The following EXOC4 variants were observed in gnomAD, a reference collection of about 807,000 sequenced individuals.
The protein encoded by EXOC4 is exocyst complex component 4.
Under a neutral mutation model 107.2 loss-of-function variants are expected in EXOC4, and 71 were observed. The observed-to-expected ratio is 0.66, with a 90% CI of 0.55 to 0.81. The LOEUF (loss-of-function observed/expected upper bound fraction) is 0.81, where lower values mean the gene tolerates loss of function less well. Among genes scored for constraint, EXOC4 ranks in the 30% least tolerant of loss-of-function variants. The pLI is 0.00. For missense variants in EXOC4, 1,108 were observed against 1,189.6 expected, an observed-to-expected ratio of 0.93 and a Z score of 1.01; for synonymous variants, 456 against 441.2, an observed-to-expected ratio of 1.03 and a Z score of -0.42.
At chr7:133,429,263 C>T (rs899842609) in intron 7 of EXOC4, among the ~76,000 whole-genome samples, 2 of 151,924 alleles carry the variant, frequency 1.3e-5, no homozygotes, top group Non-Finnish European at 2.9e-5. Context: ...AAATAAGGAA[C>T]CAAGTATAAG....
At chr7:133,994,133 A>G (rs1260417315) in intron 14 of EXOC4, among the ~76,000 whole-genome samples, 1 of 152,138 alleles carries the variant, frequency 6.6e-6, no homozygotes, top group African/African-American at 2.4e-5. Flanking sequence ...TGACTTAAAG[A>G]TGCATGCTTT....
chr7:133,375,498 T>C (rs1194195397), intron 7 of EXOC4, among the ~76,000 whole-genome samples: 2 of 151,918 alleles, frequency 1.3e-5, no homozygotes, highest in Non-Finnish European at 2.9e-5. Flanking sequence ...TTAACAGACT[T>C]CTTTTTTTTT....
chr7:133,867,913 T>C (rs1585210472), intron 11 of EXOC4, among the ~76,000 whole-genome samples: 1 of 152,258 alleles, frequency 6.6e-6, no homozygotes, highest in African/African-American at 2.4e-5. Context: ...AAGGGATCTT[T>C]AAAGCATATG....
rs188877742 is a variant in EXOC4, at chr7:133,279,593, G to A, written c.276+4422G>A. The stretch of plus-strand genomic sequence containing the variant: ...GAGTGCAGTAGCACTATCATGAATC[G>A]CCATAGCCTCGACCTCCCACACTCA... On this transcript the variant is annotated intron_variant, in intron 2 of 17. Transcript: ENST00000253861. 3.3e-5 allele frequency among the ~76,000 whole-genome samples: 5 copies of A among 152,278 alleles called. 1 individual carries two copies. The highest frequency in any genetic ancestry group is 2.6e-4 in the Admixed American group (4 of 15,292).
chr7:133,445,531 G>C (rs1461928535), intron 7 of EXOC4, among the ~76,000 whole-genome samples: 1 of 152,146 alleles, frequency 6.6e-6, no homozygotes, highest in Non-Finnish European at 1.5e-5. Flanking sequence ...TTGGCCCCAT[G>C]TTAGATTCAT....
intron 11 of EXOC4, among the ~76,000 whole-genome samples, chr7:133,884,581 CTGTGTGTGTGTGTGTGTGTGTG>C (rs34350149): frequency 3.5e-5 from 5 of 143,632 alleles, no homozygotes; most frequent in East Asian, 2.1e-4. Flanking sequence ...GCCCTATGCT[CTGTGTGTGTGTGTGTGTGTGTG>C]TGTGTGTGTG....
intron 5 of EXOC4, among the ~76,000 whole-genome samples, chr7:133,330,953 A>G (rs537749021): frequency 6.7e-6 from 1 of 149,948 alleles, no homozygotes; most frequent in African/African-American, 2.4e-5. Context: ...TTTTTTTTTT[A>G]AATAATAGTT....
At chr7:133,686,192 T>G (rs1244312266) in intron 10 of EXOC4, among the ~76,000 whole-genome samples, 1 of 152,152 alleles carries the variant, frequency 6.6e-6, no homozygotes, top group Non-Finnish European at 1.5e-5. Flanking sequence ...CCTCACCAGA[T>G]GTAGCCCCTT....
At chr7:134,083,680 C>T in the EXOC4 span, among the ~76,000 whole-genome samples, 1 of 152,116 alleles carries the variant, frequency 6.6e-6, no homozygotes, top group Non-Finnish European at 1.5e-5. Flanking sequence ...AATGGTGACT[C>T]AGGGCTCTAA....
At chr7:134,026,058 G>T (rs910178241) in intron 17 of EXOC4, among the ~76,000 whole-genome samples, 15 of 152,130 alleles carry the variant, frequency 9.9e-5, no homozygotes, top group African/African-American at 3.4e-4. Flanking sequence ...AGTGCAAGGA[G>T]CAGAAACTTA....
chr7:133,693,697 G>A (rs1487696511), intron 10 of EXOC4, among the ~76,000 whole-genome samples: 1 of 152,108 alleles, frequency 6.6e-6, no homozygotes, highest in Admixed American at 6.5e-5. Flanking sequence ...TATATTCTCG[G>A]CATGGGTGAT....
At chr7:133,837,034 A>G (rs565738117) in intron 11 of EXOC4, among the ~76,000 whole-genome samples, 42 of 152,264 alleles carry the variant, frequency 2.8e-4, no homozygotes, top group African/African-American at 9.6e-4. Flanking sequence ...ACCTGTGTAA[A>G]AGCATAATTT....
chr7:133,856,691 G>A (rs1464035906), intron 11 of EXOC4, among the ~76,000 whole-genome samples: 1 of 152,134 alleles, frequency 6.6e-6, no homozygotes, highest in Non-Finnish European at 1.5e-5. Flanking sequence ...GCCAATTAAT[G>A]TAGCTCATAG....
intron 11 of EXOC4, among the ~76,000 whole-genome samples, chr7:133,862,503 G>A (rs1013372854): frequency 4.0e-4 from 61 of 152,044 alleles, no homozygotes; most frequent in African/African-American, 1.4e-3. Context: ...GAAAAAAAAA[G>A]AGCCTCATTC....
At chr7:133,973,972 G>A (rs940628173) in intron 14 of EXOC4, among the ~76,000 whole-genome samples, 1 of 152,148 alleles carries the variant, frequency 6.6e-6, no homozygotes, top group African/African-American at 2.4e-5. Context: ...GGACGGGGCC[G>A]CAAACTCAGC....
chr7:133,542,615 G>A (rs1467579093), intron 9 of EXOC4, among the ~76,000 whole-genome samples: 1 of 152,114 alleles, frequency 6.6e-6, no homozygotes, highest in Non-Finnish European at 1.5e-5. Context: ...TAGTTTCTGT[G>A]GGTAGCCTTG....
chr7:133,760,373 G>A (rs1420861847), intron 10 of EXOC4, among the ~76,000 whole-genome samples: 1 of 152,132 alleles, frequency 6.6e-6, no homozygotes, highest in Non-Finnish European at 1.5e-5. Flanking sequence ...GATATGGAAG[G>A]ATAGACACCG....
In EXOC4 at chr7:133,851,182, G is replaced by A. The variant is rs74450545; in HGVS notation, c.1734+33638G>A. On this transcript the variant is annotated intron_variant, in intron 11 of 17. Coordinates refer to ENST00000253861, the MANE Select transcript of EXOC4 (RefSeq NM_021807.4). The stretch of plus-strand genomic sequence containing the variant: ...GGCTGGGGATACAGCAGACAAGAAG[G>A]CAGGCAAAGTCGGATATTTCATGGA... Among the ~76,000 whole-genome samples, 364 of 152,290 alleles carry A rather than the reference G, an allele frequency of 2.4e-3. 5 individuals are homozygous for A. Among genetic ancestry groups the A allele is most frequent in the African/African-American group, 8.2e-3 (340 of 41,558 alleles).
chr7:133,773,771 C>T (rs7810739), intron 10 of EXOC4, among the ~76,000 whole-genome samples: 13,913 of 151,910 alleles, frequency 0.092, 719 homozygotes, highest in African/African-American at 0.13. Context: ...TGTCACCACC[C>T]GGGCTACAAC....
Sources: gnomAD v4.1 joint callset for allele counts (sites outside exome capture counted in the v4.1 genomes callset) on GRCh38, gnomAD v4.1.1 for gene constraint, MANE v1.5 for transcripts, NCBI Gene and HGNC (gene_info 2026-07-23, HGNC 2026-07-21) for gene names.